The following LAMC2 variants were observed in gnomAD, a reference collection of about 807,000 sequenced individuals.
LAMC2 encodes the protein laminin subunit gamma-2.
Under a neutral mutation model 140.2 loss-of-function variants are expected in LAMC2, and 97 were observed. The ratio of observed to expected loss-of-function variants is 0.69; its 90% CI spans 0.59 to 0.82. The LOEUF (loss-of-function observed/expected upper bound fraction) is 0.82, where lower values mean the gene tolerates loss of function less well. Ranked by LOEUF, LAMC2 falls within the 40% of genes least tolerant of loss-of-function variation. The pLI, the probability that LAMC2 is intolerant of heterozygous loss-of-function variation, is 0.00. For missense variants in LAMC2, 1,402 were observed against 1,476.1 expected, an observed-to-expected ratio of 0.95 and a Z score of 0.82; for synonymous variants, 513 against 540.2, an observed-to-expected ratio of 0.95 and a Z score of 0.70.
chr1:183,224,655 G>A (rs1186036259), intron 7 of LAMC2, among the ~76,000 whole-genome samples: 2 of 143,398 alleles, frequency 1.4e-5, no homozygotes, highest in South Asian at 4.5e-4. Flanking sequence ...AAATATCCGA[G>A]TATACGTGTT....
the LAMC2 span, among the ~76,000 whole-genome samples, chr1:183,256,223 T>C: frequency 6.6e-6 from 1 of 151,914 alleles, no homozygotes; most frequent in African/African-American, 2.4e-5. Flanking sequence ...CTGGCCAACA[T>C]AGCGAAACCC....
intron 2 of LAMC2, among the ~76,000 whole-genome samples, chr1:183,208,625 A>G: frequency 6.6e-6 from 1 of 152,184 alleles, no homozygotes; most frequent in East Asian, 1.9e-4. Context: ...CAAAATAACA[A>G]ATAGGAAACA....
In LAMC2 at chr1:183,207,914, T is replaced by A; in HGVS notation, c.113T>A (p.Ile38Asn). ...TGCAATGGGAAGTCCAGGCAGTGTA[T>A]CTTTGATCGGGAACTTCACAGACAA... ...CDCNGKSRQC[I>N]FDRELHRQTG... The change falls in exon 2 of 23, where the codon ATC becomes AAC. Residue 38 changes from isoleucine to asparagine, a missense_variant. By Grantham distance (149) the Ile-to-Asn change is moderately radical (BLOSUM62 -3). Coordinates refer to ENST00000264144, the MANE Select transcript of LAMC2 (RefSeq NM_005562.3). 6.2e-7 allele frequency: 1 copy of A among 1,613,630 alleles called. No homozygotes were observed. Among genetic ancestry groups the A allele is most frequent in the East Asian group, 2.2e-5 (1 of 44,838 alleles).
At chr1:183,255,369 T>C in the LAMC2 span, among the ~76,000 whole-genome samples, 1 of 152,226 alleles carries the variant, frequency 6.6e-6, no homozygotes, top group African/African-American at 2.4e-5. Flanking sequence ...AACTTTTTTT[T>C]TCTCATAATT....
chr1:183,203,607 C>T lies in LAMC2; in HGVS notation c.80-4274C>T, dbSNP rs984953419. Among the ~76,000 whole-genome samples, 21 of 151,260 alleles carry T rather than the reference C, an allele frequency of 1.4e-4. No homozygotes were observed. The East Asian group carries it at 3.9e-3, about 28-fold the overall frequency. On this transcript the variant is annotated intron_variant, in intron 1 of 22. Transcript: ENST00000264144. The stretch of plus-strand genomic sequence containing the variant: ...TAATGATGAAAAGCATCATTCCATG[C>T]AAAAGGAGCTTGGAACAAGCTCTCC...
chr1:183,232,220 G>C lies in LAMC2; in HGVS notation c.1891G>C (p.Glu631Gln), dbSNP rs899590773. 3.1e-6 allele frequency: 5 copies of C among 1,613,856 alleles called. No homozygotes were observed. The African/African-American group carries it at 6.7e-5, about 22-fold the overall frequency. The change falls in exon 13 of 23, where the codon GAG (glutamate) becomes CAG (glutamine). Residue 631 changes from glutamate to glutamine, a missense_variant. By Grantham distance (29) the Glu-to-Gln change is conservative. Around this residue, in one of 3 missense-constraint regions of LAMC2, gnomAD observed 9 missense variants for 25.6 expected, o/e 0.35. Coordinates refer to ENST00000264144, the MANE Select transcript of LAMC2 (RefSeq NM_005562.3). ...GTTTATGCAGCAGCTTCAGAGAATG[G>C]AGGCCCTGATTTCAAAGGCTCAGGG... ...DQFMQQLQRMEALISKAQGGD... is the reference protein window; with the variant it reads ...DQFMQQLQRMQALISKAQGGD...
intron 7 of LAMC2, among the ~76,000 whole-genome samples, chr1:183,224,719 C>T (rs1197330905): frequency 6.6e-6 from 1 of 151,508 alleles, no homozygotes; most frequent in Non-Finnish European, 1.5e-5. Flanking sequence ...GCTCTCCTGC[C>T]TGGAATACTC....
At chr1:183,234,283 C>G (rs1659885863) in intron 14 of LAMC2, 84 bp from the exon 15 acceptor site, 1 of 985,118 alleles carries the variant, frequency 1.0e-6, no homozygotes, top group African/African-American at 1.6e-5. Context: ...GTGGTTCTGA[C>G]AGGACAGATG....
intron 15 of LAMC2, among the ~76,000 whole-genome samples, chr1:183,235,101 T>A (rs902006261): frequency 9.9e-5 from 15 of 152,180 alleles, no homozygotes; most frequent in African/African-American, 1.7e-4. Flanking sequence ...GGGTTTTTTT[T>A]AAAGAAGCAC....
Position 183,232,304 on chromosome 1 carries a change from G to C in LAMC2, c.1975G>C (p.Ala659Pro), listed in dbSNP as rs762186025. The change falls in exon 13 of 23, where the codon GCC becomes CCC. Residue 659 changes from alanine (A) to proline (P), a missense_variant. This residue lies in a region of LAMC2 where 670 missense variants were observed against 667.2 expected (regional missense o/e 1.00). Transcript: ENST00000264144. ...AGGCAGGATGCAGCAGGCTGAGCAGGCCCTTCAGGACATTCTGAGAGATGC... is the reference window on the plus strand; with the variant it reads ...AGGCAGGATGCAGCAGGCTGAGCAGCCCCTTCAGGACATTCTGAGAGATGC... The part of the protein sequence containing the change: ...LEGRMQQAEQ[A>P]LQDILRDAQI... The C allele has an allele frequency of 5.6e-6, 9 of 1,614,064 alleles. No homozygotes were observed. The highest frequency in any genetic ancestry group is 6.8e-6 in the Non-Finnish European group (8 of 1,180,034).
At chr1:183,196,790 T>G (rs1658533623) in intron 1 of LAMC2, among the ~76,000 whole-genome samples, 2 of 152,212 alleles carry the variant, frequency 1.3e-5, no homozygotes. Context: ...TAGTTGAGAT[T>G]GTCAGCCCCA....
intron 1 of LAMC2, among the ~76,000 whole-genome samples, chr1:183,198,005 G>A (rs1658576863): frequency 6.6e-6 from 1 of 152,012 alleles, no homozygotes; most frequent in Non-Finnish European, 1.5e-5. Context: ...GAAGAGAGTT[G>A]CACAAAGGAA....
chr1:183,253,939 GTGTGTA>G, the LAMC2 span, among the ~76,000 whole-genome samples: 1 of 148,390 alleles, frequency 6.7e-6, no homozygotes, highest in Non-Finnish European at 1.5e-5. Context: ...GTGTGTGTGT[GTGTGTA>G]TGTGTGTGTG....
In LAMC2 at chr1:183,226,899, C is replaced by A. The variant is rs886045626; in HGVS notation, c.1268C>A (p.Ala423Asp). 19 of 1,613,722 alleles carry A rather than the reference C, an allele frequency of 1.2e-5. No individual in the cohort carries two copies. The highest frequency in any genetic ancestry group is 1.4e-5 in the Non-Finnish European group (16 of 1,179,876). The change falls in exon 9 of 23, where the codon GCC (alanine) becomes GAC (aspartate). Residue 423 changes from alanine (A) to aspartate (D), a missense_variant. By Grantham distance (126) the Ala-to-Asp change is moderately radical. Coordinates refer to ENST00000264144, the MANE Select transcript of LAMC2 (RefSeq NM_005562.3). ...CIPCNCQGGG[A>D]CDPDTGDCYS... The stretch of plus-strand genomic sequence containing the variant: ...CCTTGTAACTGTCAAGGGGGAGGGG[C>A]CTGTGATCCAGACACAGGTGAGTGA...
chr1:183,197,357 A>C (rs1470730959), intron 1 of LAMC2, among the ~76,000 whole-genome samples: 1 of 152,220 alleles, frequency 6.6e-6, no homozygotes, highest in African/African-American at 2.4e-5. Flanking sequence ...TTTTGTGTAA[A>C]GAACTTTTGA....
chr1:183,223,103 T>C (rs1324490439), intron 6 of LAMC2, 32 bp from the exon 7 acceptor site: 6 of 1,606,270 alleles, frequency 3.7e-6, no homozygotes, highest in East Asian at 2.2e-5. Context: ...GTTTCACAAC[T>C]GATCTCAATC....
intron 21 of LAMC2, 38 bp from the exon 22 acceptor site, chr1:183,240,254 T>C: frequency 1.2e-6 from 2 of 1,614,156 alleles, no homozygotes; most frequent in Admixed American, 3.3e-5. Flanking sequence ...AAATGGAAAA[T>C]ACCTTTTCAA....
intron 18 of LAMC2, 73 bp from the exon 19 acceptor site, chr1:183,238,234 G>T: frequency 9.4e-7 from 1 of 1,068,734 alleles, no homozygotes; most frequent in South Asian, 1.3e-5. Context: ...CTGTCATGAA[G>T]AGAAATGTGT....
intron 1 of LAMC2, among the ~76,000 whole-genome samples, chr1:183,196,657 A>G (rs1658526084): frequency 6.6e-6 from 1 of 152,218 alleles, no homozygotes; most frequent in African/African-American, 2.4e-5. Context: ...ATCTTTGAAC[A>G]TAAAAGAGTT....
Sources: allele counts gnomAD v4.1 joint callset (sites outside exome capture counted in the v4.1 genomes callset), GRCh38; gene constraint gnomAD v4.1.1; regional missense constraint gnomAD v4.1.1; transcripts MANE v1.5; gene names NCBI Gene and HGNC (gene_info 2026-07-23, HGNC 2026-07-21).